Variants in MAJIN observed in about 807,000 individuals in gnomAD.
The protein encoded by MAJIN is membrane-anchored junction protein.
A neutral mutation model predicts 30.2 loss-of-function variants in MAJIN; 27 were observed. The ratio of observed to expected loss-of-function variants is 0.89; its 90% CI spans 0.66 to 1.23. MAJIN has a LOEUF of 1.23. Ranked by LOEUF, MAJIN falls within the 50% of genes most tolerant of loss-of-function variation. The pLI is 0.00. For synonymous variants in MAJIN, 78 were observed against 91.6 expected (o/e 0.85, Z 0.85); for missense variants, 253 against 260.3 (o/e 0.97, Z 0.19).
Position 64,949,743 on chromosome 11 carries a change from C to T in MAJIN, c.349G>A (p.Gly117Arg), listed in dbSNP as rs1945519099. ...MKWFHENLSPGKPISDSPLGL... is the reference protein window; with the variant it reads ...MKWFHENLSPRKPISDSPLGL... The stretch of plus-strand genomic sequence containing the variant: ...TCCACATTCACATCATTCCACTTAC[C>T]AGGTGACAGGTTTTCATGGAACCAT... Residue 117 changes from glycine (G) to arginine (R), a missense_variant and splice_region_variant, in exon 6 of 11, where the codon GGG (glycine) becomes AGG (arginine). By Grantham distance (125) the Gly-to-Arg change is moderately radical. Transcript: ENST00000301896. The T allele has an allele frequency of 3.1e-6, 5 of 1,612,672 alleles. No individual in the cohort carries two copies. The highest frequency in any genetic ancestry group is 2.5e-6 in the Non-Finnish European group (3 of 1,179,924).
intron 8 of MAJIN, among the ~76,000 whole-genome samples, chr11:64,941,120 G>A (rs1033530153): frequency 1.3e-5 from 2 of 151,972 alleles, no homozygotes; most frequent in African/African-American, 4.8e-5. Flanking sequence ...TTATAGGCGT[G>A]AGCCACCGTG....
intron 1 of MAJIN, among the ~76,000 whole-genome samples, chr11:64,963,666 T>TGGCCAACATGATTTTA (rs1945762174): frequency 6.6e-6 from 1 of 152,100 alleles, no homozygotes. Flanking sequence ...GGTGAAACCC[T>TGGCCAACATGATTTTA]GTCTTTACTA....
chr11:64,960,732 A>C (rs556255967), intron 1 of MAJIN, among the ~76,000 whole-genome samples: 2 of 152,318 alleles, frequency 1.3e-5, no homozygotes, highest in South Asian at 4.1e-4. Context: ...TCAGCAGGGA[A>C]AAATTTTCTA....
intron 10 of MAJIN, among the ~76,000 whole-genome samples, chr11:64,939,051 C>T (rs556330234): frequency 3.3e-5 from 5 of 152,248 alleles, no homozygotes; most frequent in African/African-American, 1.2e-4. Flanking sequence ...TGCCTCAGCA[C>T]CCCCAGTAGC....
intron 2 of MAJIN, among the ~76,000 whole-genome samples, chr11:64,959,881 G>A (rs1277390027): frequency 6.6e-6 from 1 of 152,098 alleles, no homozygotes. Flanking sequence ...AGCCAATTAG[G>A]AGGACGTTTG....
chr11:64,965,061 A>T (rs1427883949), intron 1 of MAJIN, among the ~76,000 whole-genome samples: 1 of 152,236 alleles, frequency 6.6e-6, no homozygotes, highest in African/African-American at 2.4e-5. Flanking sequence ...CTTAGTACAC[A>T]GATTACTGGA....
chr11:64,956,763 G>GTTTTTTT (rs398016405), intron 3 of MAJIN, among the ~76,000 whole-genome samples: 1 of 102,504 alleles, frequency 9.8e-6, no homozygotes, highest in Admixed American at 1.3e-4. Flanking sequence ...CATATAAGCT[G>GTTTTTTT]TTTTTTTTTT....
chr11:64,969,822 G>A (rs1945869840), intron 1 of MAJIN, among the ~76,000 whole-genome samples: 1 of 152,040 alleles, frequency 6.6e-6, no homozygotes, highest in South Asian at 2.1e-4. Flanking sequence ...ATGACCTGGT[G>A]ACTTGATAAG....
chr11:64,940,477 C>A, intron 9 of MAJIN, 97 bp downstream of exon 9: 3 of 1,263,514 alleles, frequency 2.4e-6, no homozygotes, highest in African/African-American at 3.0e-5. Flanking sequence ...CCACTGAGGG[C>A]ACCCAGACTC....
chr11:64,950,343 A>AAG lies in MAJIN; in HGVS notation c.223+11_223+12insCT, dbSNP rs1945531833. ...AGACTCCATCTCAAAAAAAAAAAAAAAAAAAGGATACAGGGAAATACAATG... is the reference window on the plus strand; with the variant it reads ...AGACTCCATCTCAAAAAAAAAAAAAAAGAAAAAGGATACAGGGAAATACAATG... On this transcript the variant is annotated intron_variant, in intron 5 of 10. Transcript: ENST00000301896. 2 of 1,561,856 alleles carry AAG rather than the reference A, an allele frequency of 1.3e-6. No individual in the cohort carries two copies. The highest frequency in any genetic ancestry group is 3.9e-5 in the Admixed American group (2 of 50,674).
chr11:64,955,921 C>T (rs1253853154), intron 3 of MAJIN, among the ~76,000 whole-genome samples: 1 of 152,192 alleles, frequency 6.6e-6, no homozygotes, highest in Non-Finnish European at 1.5e-5. Flanking sequence ...AATCCCGGCG[C>T]TTTGGGAGGC....
In MAJIN at chr11:64,940,622, C is replaced by T; in HGVS notation, c.498G>A (p.Lys166=). The part of the protein sequence containing the change: ...LDRIGKEKPN[K]DCRRLWPLIS... Reference sequence around the variant, plus strand: ...TCAGAGGCCAGAGTCTCCTGCAATCCTTGTTGGGTTTTTCTTTCCCTATTC... The same window carrying T: ...TCAGAGGCCAGAGTCTCCTGCAATCTTTGTTGGGTTTTTCTTTCCCTATTC... Residue 166 remains lysine, a synonymous_variant, in exon 9 of 11, where the codon AAG becomes AAA. Coordinates refer to ENST00000301896, the MANE Select transcript of MAJIN (RefSeq NM_001037225.3). 6.2e-7 allele frequency: 1 copy of T among 1,614,052 alleles called. No individual in the cohort carries two copies. Among genetic ancestry groups the T allele is most frequent in the African/African-American group, 1.3e-5 (1 of 75,000 alleles).
intron 8 of MAJIN, among the ~76,000 whole-genome samples, chr11:64,942,125 ATC>A (rs111535267): frequency 0.028 from 4,203 of 152,218 alleles, 200 homozygotes; most frequent in African/African-American, 0.096. Context: ...TTCTTTGGGA[ATC>A]TCTGCCACTG....
At chr11:64,959,570 A>G in intron 2 of MAJIN, 148 bp from the exon 3 acceptor site, 2 of 618,498 alleles carry the variant, frequency 3.2e-6, no homozygotes, top group Non-Finnish European at 5.7e-6. Context: ...CATCACTTGG[A>G]ACATTCTCCT....
intron 1 of MAJIN, among the ~76,000 whole-genome samples, chr11:64,960,855 T>C (rs1490000669): frequency 6.6e-6 from 1 of 152,228 alleles, no homozygotes; most frequent in South Asian, 2.1e-4. Context: ...TACCCCAGTA[T>C]CTGATCTTGG....
chr11:64,970,000 T>G (rs1001625384), intron 1 of MAJIN, among the ~76,000 whole-genome samples: 1 of 151,970 alleles, frequency 6.6e-6, no homozygotes, highest in Non-Finnish European at 1.5e-5. Flanking sequence ...CAAAGAGAGA[T>G]TCTAGATAAG....
chr11:64,971,590 G>A (rs972121859), intron 1 of MAJIN, among the ~76,000 whole-genome samples: 1 of 152,066 alleles, frequency 6.6e-6, no homozygotes, highest in African/African-American at 2.4e-5. Context: ...TCGCCCGAAG[G>A]AGGGGACAGA....
intron 1 of MAJIN, among the ~76,000 whole-genome samples, chr11:64,970,700 AAAAAG>A (rs1474127087): frequency 6.6e-6 from 1 of 152,004 alleles, no homozygotes; most frequent in Non-Finnish European, 1.5e-5. Context: ...AAGAAGAAAG[AAAAAG>A]AAAAGGATGT....
intron 8 of MAJIN, among the ~76,000 whole-genome samples, chr11:64,942,389 T>G (rs1418325155): frequency 6.6e-6 from 1 of 152,126 alleles, no homozygotes; most frequent in African/African-American, 2.4e-5. Flanking sequence ...ATCCAAGTAG[T>G]GTACACTATA....
Sources: gnomAD v4.1 joint callset for allele counts (sites outside exome capture counted in the v4.1 genomes callset) on GRCh38, gnomAD v4.1.1 for gene constraint, MANE v1.5 for transcripts, NCBI Gene and HGNC (gene_info 2026-07-23, HGNC 2026-07-21) for gene names.